The following FCHSD2 variants were observed in gnomAD, a reference collection of about 807,000 sequenced individuals.
FCHSD2 encodes FCH and double SH3 domains 2, also known as F-BAR and double SH3 domains protein 2.
A neutral mutation model predicts 108.1 loss-of-function variants in FCHSD2; 38 were observed. That is an observed-to-expected ratio of 0.35 (90% CI 0.27 to 0.46). FCHSD2 has a LOEUF of 0.46. FCHSD2 is among the 20% of genes least tolerant of loss of function. The pLI is 1.00. For synonymous variants in FCHSD2, 279 were observed against 314.7 expected (o/e 0.89, Z 1.20); for missense variants, 751 against 897.8 (o/e 0.84, Z 2.09).
At chr11:73,076,855 A>C (rs1399826319) in intron 3 of FCHSD2, among the ~76,000 whole-genome samples, 1 of 152,168 alleles carries the variant, frequency 6.6e-6, no homozygotes, top group African/African-American at 2.4e-5. Flanking sequence ...TCACGCCTGT[A>C]ATCCCAACAC....
At chr11:72,845,054 G>A (rs1422518954) in intron 14 of FCHSD2, among the ~76,000 whole-genome samples, 2 of 152,082 alleles carry the variant, frequency 1.3e-5, no homozygotes, top group African/African-American at 4.8e-5. Flanking sequence ...GTATCAACAC[G>A]ACCAGACGTT....
chr11:73,050,571 C>A (rs1858875568), intron 3 of FCHSD2, among the ~76,000 whole-genome samples: 1 of 151,932 alleles, frequency 6.6e-6, no homozygotes, highest in Non-Finnish European at 1.5e-5. Context: ...ACATAGGAAC[C>A]CAGGCCCCCA....
intron 18 of FCHSD2, 139 bp downstream of exon 18, chr11:72,841,315 G>T: frequency 1.2e-6 from 1 of 829,384 alleles, no homozygotes; most frequent in Non-Finnish European, 1.7e-6. Flanking sequence ...TGGGTGTCCA[G>T]CCCAGGTGAC....
intron 8 of FCHSD2, among the ~76,000 whole-genome samples, chr11:72,971,153 C>T (rs576022177): frequency 6.6e-6 from 1 of 152,058 alleles, no homozygotes; most frequent in African/African-American, 2.4e-5. Flanking sequence ...TGCAGAGTAA[C>T]ACTATAAGTA....
chr11:73,043,462 T>G (rs1416408135), intron 3 of FCHSD2, among the ~76,000 whole-genome samples: 1 of 152,234 alleles, frequency 6.6e-6, no homozygotes, highest in Non-Finnish European at 1.5e-5. Flanking sequence ...CCACCAACTA[T>G]TTGTGTAATT....
At chr11:72,863,862 AAC>A (rs1391105864) in intron 13 of FCHSD2, among the ~76,000 whole-genome samples, 6 of 152,238 alleles carry the variant, frequency 3.9e-5, no homozygotes, top group African/African-American at 1.4e-4. Flanking sequence ...GAACAACTGA[AAC>A]ACTAGTACCC....
At chr11:73,074,496 C>A (rs954365658) in intron 3 of FCHSD2, among the ~76,000 whole-genome samples, 1 of 151,976 alleles carries the variant, frequency 6.6e-6, no homozygotes, top group African/African-American at 2.4e-5. Flanking sequence ...AAATATTAAA[C>A]AATAAAAATT....
intron 19 of FCHSD2, 89 bp from the exon 20 acceptor site, chr11:72,838,963 G>T: frequency 8.6e-7 from 1 of 1,157,554 alleles, no homozygotes; most frequent in Non-Finnish European, 1.3e-6. Context: ...ATCTGTCCAA[G>T]GACATGGGCA....
At chr11:73,116,092 ACTTTC>A (rs1860594867) in intron 2 of FCHSD2, among the ~76,000 whole-genome samples, 1 of 152,202 alleles carries the variant, frequency 6.6e-6, no homozygotes, top group Non-Finnish European at 1.5e-5. Context: ...CAGATTGAAG[ACTTTC>A]CTTTCTATTT....
At chr11:72,964,673 A>G (rs1207845465) in intron 8 of FCHSD2, among the ~76,000 whole-genome samples, 1 of 152,118 alleles carries the variant, frequency 6.6e-6, no homozygotes, top group East Asian at 1.9e-4. Flanking sequence ...TCTCCTTTAC[A>G]ACCCACAGCC....
intron 3 of FCHSD2, among the ~76,000 whole-genome samples, chr11:73,068,391 ATAAC>A (rs1859348407): frequency 6.6e-6 from 1 of 151,888 alleles, no homozygotes; most frequent in Non-Finnish European, 1.5e-5. Context: ...ATCAGGAAGA[ATAAC>A]TAATGGATGC....
chr11:72,908,134 T>C (rs1030447790), intron 9 of FCHSD2, among the ~76,000 whole-genome samples: 1 of 152,230 alleles, frequency 6.6e-6, no homozygotes, highest in Non-Finnish European at 1.5e-5. Flanking sequence ...CATGTGAAAT[T>C]TGTCTTTCTG....
At chr11:73,069,440 T>C (rs943847619) in intron 3 of FCHSD2, among the ~76,000 whole-genome samples, 1 of 147,164 alleles carries the variant, frequency 6.8e-6, no homozygotes, top group Admixed American at 6.8e-5. Context: ...TATAAGAACA[T>C]ATATACATAC....
At chr11:72,914,563 A>G (rs992466739) in intron 9 of FCHSD2, among the ~76,000 whole-genome samples, 4 of 152,190 alleles carry the variant, frequency 2.6e-5, no homozygotes, top group African/African-American at 9.6e-5. Context: ...AACAGAATAG[A>G]GAACCCAGAA....
At chr11:72,970,713 G>T (rs773499833) in intron 8 of FCHSD2, among the ~76,000 whole-genome samples, 1 of 152,156 alleles carries the variant, frequency 6.6e-6, no homozygotes, top group Non-Finnish European at 1.5e-5. Context: ...ACAAAGCCTG[G>T]TGAGATGCGA....
intron 3 of FCHSD2, chr11:73,077,661 C>A: frequency 2.3e-6 from 1 of 431,256 alleles, no homozygotes; most frequent in Non-Finnish European, 4.6e-6. Context: ...TATATCCATA[C>A]AATGGAATAC....
At chr11:72,882,412 T>C (rs867055538) in intron 12 of FCHSD2, among the ~76,000 whole-genome samples, 1 of 151,390 alleles carries the variant, frequency 6.6e-6, no homozygotes, top group Non-Finnish European at 1.5e-5. Flanking sequence ...GGAAGGATTA[T>C]GGGGAAGGAG....
At chr11:73,064,354 C>T (rs1247238937) in intron 3 of FCHSD2, among the ~76,000 whole-genome samples, 1 of 151,972 alleles carries the variant, frequency 6.6e-6, no homozygotes, top group South Asian at 2.1e-4. Context: ...AAAATTGATA[C>T]CCTAACATCA....
intron 9 of FCHSD2, among the ~76,000 whole-genome samples, chr11:72,904,648 A>C (rs953971674): frequency 6.6e-6 from 1 of 152,240 alleles, no homozygotes. Flanking sequence ...ATTTACAGTA[A>C]GTACTTACAA....
Sources: gnomAD v4.1 joint callset for allele counts (sites outside exome capture counted in the v4.1 genomes callset) on GRCh38, gnomAD v4.1.1 for gene constraint, MANE v1.5 for transcripts, NCBI Gene and HGNC (gene_info 2026-07-23, HGNC 2026-07-21) for gene names.